DSCAM: variants seen among roughly 807,000 people sequenced by gnomAD.
The protein encoded by DSCAM is cell adhesion molecule DSCAM.
DSCAM carries 47 observed loss-of-function variants against 217.7 expected under a neutral mutation model. The ratio of observed to expected loss-of-function variants is 0.22; its 90% CI spans 0.17 to 0.28. The LOEUF is 0.28. Among genes scored for constraint, DSCAM ranks in the 10% least tolerant of loss-of-function variants. The pLI is 1.00. For missense variants in DSCAM, 2,080 were observed against 2,618.3 expected (o/e 0.79, Z 4.49); for synonymous variants, 1,056 against 1,015.3 (o/e 1.04, Z -0.76).
At chr21:40,664,948 T>C (rs2146388324) in intron 3 of DSCAM, among the ~76,000 whole-genome samples, 1 of 152,246 alleles carries the variant, frequency 6.6e-6, no homozygotes, top group Non-Finnish European at 1.5e-5. Flanking sequence ...ACAGGAGATC[T>C]GGTTGTTTAA....
chr21:40,715,534 T>C (rs900814721), intron 1 of DSCAM, among the ~76,000 whole-genome samples: 2 of 152,200 alleles, frequency 1.3e-5, no homozygotes, highest in Non-Finnish European at 2.9e-5. Context: ...AAGTGTTTTA[T>C]AGTTTTCTCT....
At position 40,276,202 on chromosome 21, in the gene DSCAM, A is replaced by G. The variant is rs775807784; in HGVS notation, c.2251T>C (p.Leu751=). The G allele has an allele frequency of 2.5e-6, 4 of 1,613,404 alleles. No homozygotes were observed. The South Asian group carries it at 4.4e-5, about 18-fold the overall frequency. ...GRIQVLSNGS[L]LIKHVVEEDS... ...TCCTCCACGACATGCTTGATCAGCA[A>G]CGACCCATTGCTGAGAACTTGGATT... is the stretch of plus-strand genomic sequence containing the variant. The change falls in exon 11 of 33, where the codon TTG becomes CTG. Residue 751 remains leucine (L), a synonymous_variant. Coordinates refer to ENST00000400454, the MANE Select transcript of DSCAM (RefSeq NM_001389.5).
At chr21:40,646,347 G>T (rs1026236626) in intron 3 of DSCAM, among the ~76,000 whole-genome samples, 1 of 151,370 alleles carries the variant, frequency 6.6e-6, no homozygotes, top group Non-Finnish European at 1.5e-5. Flanking sequence ...GGAGGTGGAG[G>T]TTGCAGTGAG....
chr21:40,796,901 T>C (rs555336851), intron 1 of DSCAM, among the ~76,000 whole-genome samples: 1 of 152,324 alleles, frequency 6.6e-6, no homozygotes, highest in South Asian at 2.1e-4. Context: ...GACAAGAGTA[T>C]CCACTTATTT....
intron 2 of DSCAM, 89 bp downstream of exon 2, chr21:40,708,365 T>C: frequency 6.1e-6 from 7 of 1,148,172 alleles, no homozygotes; most frequent in Non-Finnish European, 8.1e-6. Flanking sequence ...ATTGGTTCTC[T>C]GCTGTGATGG....
intron 4 of DSCAM, among the ~76,000 whole-genome samples, chr21:40,359,399 T>C (rs1232585145): frequency 1.3e-5 from 2 of 152,176 alleles, no homozygotes; most frequent in African/African-American, 4.8e-5. Context: ...ACTTGCCAAA[T>C]AAAAGCAGCC....
rs117528071 is a variant in DSCAM at position 40,062,091 on chromosome 21, G to T, written c.4919+778C>A. On this transcript the variant is annotated intron_variant, in intron 28 of 32. Coordinates refer to ENST00000400454, the MANE Select transcript of DSCAM (RefSeq NM_001389.5). ...GTTCTAGTATTTACAGAGTAAAAAG[G>T]TTGGACAGCACAAGAAAACTGAACA... 3.4e-3 allele frequency among the ~76,000 whole-genome samples: 525 copies of T among 152,286 alleles called. 2 individuals carry two copies. The highest frequency in any genetic ancestry group is 5.5e-3 in the Non-Finnish European group (373 of 68,016).
chr21:40,405,752 T>A (rs1809518350), intron 3 of DSCAM, among the ~76,000 whole-genome samples: 1 of 152,148 alleles, frequency 6.6e-6, no homozygotes. Context: ...ATCCCAGCAT[T>A]TTGAAAGGCC....
intron 3 of DSCAM, among the ~76,000 whole-genome samples, chr21:40,620,518 AGCAG>A (rs140544756): frequency 0.053 from 7,929 of 150,240 alleles, 302 homozygotes; most frequent in Middle Eastern, 0.1. Context: ...GAGGAAGGCA[AGCAG>A]GCAGGCAGGC....
chr21:40,423,667 T>G (rs543051531), intron 3 of DSCAM, among the ~76,000 whole-genome samples: 1 of 152,316 alleles, frequency 6.6e-6, no homozygotes, highest in Admixed American at 6.5e-5. Context: ...AGTCTCTTTT[T>G]GTGCCTTATA....
chr21:40,500,272 T>C (rs1370698615), intron 3 of DSCAM, among the ~76,000 whole-genome samples: 1 of 152,196 alleles, frequency 6.6e-6, no homozygotes, highest in Non-Finnish European at 1.5e-5. Flanking sequence ...TTTAAATACA[T>C]ATATTTCATA....
At chr21:40,623,714 C>G (rs527473921) in intron 3 of DSCAM, among the ~76,000 whole-genome samples, 1 of 152,294 alleles carries the variant, frequency 6.6e-6, no homozygotes, top group Admixed American at 6.5e-5. Context: ...AAAGAGGGAG[C>G]TTTTCATTGA....
At chr21:40,217,159 A>G (rs1044857034) in intron 11 of DSCAM, among the ~76,000 whole-genome samples, 18 of 152,198 alleles carry the variant, frequency 1.2e-4, no homozygotes, top group Non-Finnish European at 2.4e-4. Flanking sequence ...AAGACTATGT[A>G]TATATCTTAT....
At chr21:40,725,834 C>G (rs1290730624) in intron 1 of DSCAM, among the ~76,000 whole-genome samples, 1 of 152,070 alleles carries the variant, frequency 6.6e-6, no homozygotes, top group African/African-American at 2.4e-5. Context: ...GTGTGACTGA[C>G]CTAGAATTCC....
At chr21:40,835,370 T>A (rs2092048069) in intron 1 of DSCAM, among the ~76,000 whole-genome samples, 1 of 152,190 alleles carries the variant, frequency 6.6e-6, no homozygotes, top group Non-Finnish European at 1.5e-5. Context: ...AACTGAAATC[T>A]TCTTCTGCAA....
At chr21:40,109,302 A>G (rs368636022) in intron 20 of DSCAM, among the ~76,000 whole-genome samples, 1 of 117,422 alleles carries the variant, frequency 8.5e-6, no homozygotes, top group Non-Finnish European at 2.1e-5. Context: ...AATTTACAAG[A>G]AAAAAATAAA....
intron 28 of DSCAM, among the ~76,000 whole-genome samples, chr21:40,056,983 C>G (rs961499980): frequency 6.6e-6 from 1 of 152,212 alleles, no homozygotes; most frequent in African/African-American, 2.4e-5. Flanking sequence ...AAGTGGTGGA[C>G]AGAACTTTAA....
chr21:40,321,294 A>C (rs1468101813), intron 8 of DSCAM, among the ~76,000 whole-genome samples: 3 of 152,216 alleles, frequency 2.0e-5, no homozygotes, highest in African/African-American at 7.2e-5. Context: ...CTGCTTGTTC[A>C]GTAGTATGTC....
At chr21:40,370,257 A>G (rs895210003) in intron 3 of DSCAM, among the ~76,000 whole-genome samples, 2 of 122,810 alleles carry the variant, frequency 1.6e-5, no homozygotes, top group Admixed American at 1.1e-4. Flanking sequence ...TTTTACTTTA[A>G]AAAAAAAAAA....
Sources: allele counts gnomAD v4.1 joint callset (sites outside exome capture counted in the v4.1 genomes callset), GRCh38; gene constraint gnomAD v4.1.1; transcripts MANE v1.5; gene names NCBI Gene and HGNC (gene_info 2026-07-23, HGNC 2026-07-21).